The following ADK variants were observed in gnomAD, a reference collection of about 807,000 sequenced individuals.
The protein encoded by ADK is N6,N6-dimethyladenosine kinase.
Under a neutral mutation model 44.7 loss-of-function variants are expected in ADK, and 24 were observed. That is an observed-to-expected ratio of 0.54 (90% CI 0.39 to 0.76). ADK has a LOEUF of 0.76. Among genes scored for constraint, ADK ranks in the 30% least tolerant of loss-of-function variants. The probability of loss-of-function intolerance (pLI) is 0.00; values close to 1 mark genes in which losing one functional copy is unlikely to be tolerated. For missense variants in ADK, 321 were observed against 425.1 expected, an observed-to-expected ratio of 0.76 and a Z score of 2.15; for synonymous variants, 128 against 142.6, an observed-to-expected ratio of 0.90 and a Z score of 0.73.
chr10:74,626,730 A>G (rs1389284637), intron 9 of ADK, among the ~76,000 whole-genome samples: 1 of 152,234 alleles, frequency 6.6e-6, no homozygotes, highest in Non-Finnish European at 1.5e-5. Flanking sequence ...TGAAGGAATT[A>G]TTTTAAAATT....
intron 3 of ADK, among the ~76,000 whole-genome samples, chr10:74,257,731 CAT>C (rs1845880280): frequency 1.3e-5 from 2 of 152,100 alleles, no homozygotes; most frequent in Admixed American, 1.3e-4. Context: ...TAGATTTTGA[CAT>C]GAAATGATTT....
At chr10:74,561,240 A>T (rs565140410) in intron 7 of ADK, among the ~76,000 whole-genome samples, 5 of 152,334 alleles carry the variant, frequency 3.3e-5, no homozygotes, top group Admixed American at 3.3e-4. Flanking sequence ...TTTCTTGCTT[A>T]TTCCACCAGT....
At chr10:74,157,827 G>A (rs1397110674) in intron 1 of ADK, among the ~76,000 whole-genome samples, 1 of 152,180 alleles carries the variant, frequency 6.6e-6, no homozygotes, top group Non-Finnish European at 1.5e-5. Flanking sequence ...GGGAAGTGGA[G>A]GTTGGGGTGA....
chr10:74,563,345 A>G (rs1850531272), intron 7 of ADK, among the ~76,000 whole-genome samples: 1 of 151,918 alleles, frequency 6.6e-6, no homozygotes, highest in Admixed American at 6.6e-5. Context: ...CACCCATCTT[A>G]CTCTCACTAA....
intron 4 of ADK, among the ~76,000 whole-genome samples, chr10:74,315,036 T>C (rs896232566): frequency 6.6e-6 from 1 of 152,132 alleles, no homozygotes; most frequent in Admixed American, 6.5e-5. Flanking sequence ...AGAAACTTCA[T>C]ATTTTATAGA....
chr10:74,486,335 T>G (rs1847268066), intron 6 of ADK, among the ~76,000 whole-genome samples: 1 of 152,138 alleles, frequency 6.6e-6, no homozygotes, highest in African/African-American at 2.4e-5. Flanking sequence ...AATTAACTCT[T>G]TTTTCTTTAG....
chr10:74,494,816 C>G (rs935191127), intron 6 of ADK, among the ~76,000 whole-genome samples: 2 of 152,094 alleles, frequency 1.3e-5, no homozygotes, highest in Non-Finnish European at 1.5e-5. Flanking sequence ...GGGTGAGCCA[C>G]CACACCCGGC....
intron 7 of ADK, among the ~76,000 whole-genome samples, chr10:74,547,614 T>A (rs961389471): frequency 6.6e-6 from 1 of 151,164 alleles, no homozygotes; most frequent in African/African-American, 2.4e-5. Context: ...CCCAAGTAGC[T>A]GGGAATACAG....
At chr10:74,195,469 T>C (rs1480264628) in intron 1 of ADK, among the ~76,000 whole-genome samples, 1 of 152,114 alleles carries the variant, frequency 6.6e-6, no homozygotes, top group Non-Finnish European at 1.5e-5. Context: ...AGATATCTTT[T>C]ATATGCTACT....
chr10:74,502,943 A>G (rs1272081564), intron 6 of ADK, among the ~76,000 whole-genome samples: 2 of 152,194 alleles, frequency 1.3e-5, no homozygotes, highest in African/African-American at 4.8e-5. Context: ...CAATTTCTTT[A>G]TGTAGTTCGT....
intron 3 of ADK, among the ~76,000 whole-genome samples, chr10:74,284,933 C>T (rs1847100935): frequency 6.6e-6 from 1 of 152,194 alleles, no homozygotes; most frequent in Non-Finnish European, 1.5e-5. Context: ...GGGATAGCTA[C>T]TGGAGTTAGT....
At chr10:74,305,289 G>A (rs986069313) in intron 3 of ADK, among the ~76,000 whole-genome samples, 1 of 152,150 alleles carries the variant, frequency 6.6e-6, no homozygotes, top group African/African-American at 2.4e-5. Flanking sequence ...GATGAATATA[G>A]AATTAAAGCC....
At chr10:74,446,903 G>A (rs1488789618) in intron 6 of ADK, among the ~76,000 whole-genome samples, 1 of 152,002 alleles carries the variant, frequency 6.6e-6, no homozygotes, top group Non-Finnish European at 1.5e-5. Context: ...AGGAGGCTTT[G>A]GGGGGTTGTT....
intron 8 of ADK, among the ~76,000 whole-genome samples, chr10:74,596,964 G>A (rs1156255908): frequency 6.6e-6 from 1 of 152,154 alleles, no homozygotes; most frequent in Non-Finnish European, 1.5e-5. Flanking sequence ...TTAGAGCTAT[G>A]TACATGGCTC....
chr10:74,647,402 T>C (rs1481046939), intron 9 of ADK, among the ~76,000 whole-genome samples: 1 of 152,190 alleles, frequency 6.6e-6, no homozygotes, highest in East Asian at 1.9e-4. Context: ...GAGGTAATAG[T>C]TTGATCTGTA....
chr10:74,230,478 T>C (rs1457649401), intron 3 of ADK, among the ~76,000 whole-genome samples: 1 of 149,936 alleles, frequency 6.7e-6, no homozygotes, highest in Non-Finnish European at 1.5e-5. Context: ...ATATAGTCTT[T>C]TTTTTTTTTT....
intron 6 of ADK, among the ~76,000 whole-genome samples, chr10:74,482,066 G>C (rs979591473): frequency 1.3e-5 from 2 of 152,200 alleles, no homozygotes; most frequent in Non-Finnish European, 2.9e-5. Context: ...TAAGTCTGTT[G>C]TTAAAAATGT....
chr10:74,645,920 G>A (rs1854038755), intron 9 of ADK, among the ~76,000 whole-genome samples: 1 of 152,032 alleles, frequency 6.6e-6, no homozygotes, highest in South Asian at 2.1e-4. Flanking sequence ...CAAGGTTATG[G>A]GAACCACCTA....
chr10:74,583,108 A>G (rs1564804647), intron 7 of ADK, among the ~76,000 whole-genome samples: 1 of 152,212 alleles, frequency 6.6e-6, no homozygotes, highest in African/African-American at 2.4e-5. Flanking sequence ...AGTAAAGGTA[A>G]CTCATAGTTT....
Sources: gnomAD v4.1 joint callset for allele counts (sites outside exome capture counted in the v4.1 genomes callset) on GRCh38, gnomAD v4.1.1 for gene constraint, MANE v1.5 for transcripts, NCBI Gene and HGNC (gene_info 2026-07-23, HGNC 2026-07-21) for gene names.